The following THAP6 variants were observed in gnomAD, a reference collection of about 807,000 sequenced individuals.
THAP6 encodes THAP domain containing 6.
THAP6 carries 13 observed loss-of-function variants against 20.0 expected under a neutral mutation model. That is an observed-to-expected ratio of 0.65 (90% CI 0.42 to 1.03). The LOEUF (loss-of-function observed/expected upper bound fraction) is 1.03, where lower values mean the gene tolerates loss of function less well. THAP6 is among the 50% of genes least tolerant of loss of function. The pLI is 0.00. For missense variants in THAP6, 262 were observed against 261.6 expected, an observed-to-expected ratio of 1.00 and a Z score of -0.01; for synonymous variants, 93 against 92.2, an observed-to-expected ratio of 1.01 and a Z score of -0.05.
Position 75,516,912 on chromosome 4 carries a change from G to A in THAP6, c.221G>A (p.Ser74Asn), listed in dbSNP as rs1239984611. The A allele has an allele frequency of 1.9e-6, 3 of 1,613,388 alleles. No individual in the cohort carries two copies. The highest frequency in any genetic ancestry group is 2.5e-6 in the Non-Finnish European group (3 of 1,179,942). Residue 74 changes from serine to asparagine, a missense_variant, in exon 3 of 5, where the codon AGT (serine) becomes AAT (asparagine). Physicochemically the swap from Ser to Asn is conservative, Grantham distance 46. Coordinates refer to ENST00000311638, the MANE Select transcript of THAP6 (RefSeq NM_144721.6). ...TTTAAGAAGACAGATTTTGACAGAA[G>A]TGCTCCAAATATTAAACTGAAACCT... ...RHFKKTDFDR[S>N]APNIKLKPGV...
At position 75,514,495 on chromosome 4, in the gene THAP6, G is replaced by A; in HGVS notation, c.-46G>A. 1 of 532,176 alleles carries A rather than the reference G, an allele frequency of 1.9e-6. No individual in the cohort carries two copies. The highest frequency in any genetic ancestry group is 2.8e-5 in the South Asian group (1 of 36,354). 33.0% of individuals were successfully genotyped at this position (532,176 alleles called of 1,614,324 possible). On this transcript the variant is annotated 5_prime_UTR_variant, in exon 1 of 5. Coordinates refer to ENST00000311638, the MANE Select transcript of THAP6 (RefSeq NM_144721.6). ...GGCAGACGCAGTCTCCGTCGTTGAC[G>A]TTAGTCGCAGTCTTCGCTGCTAACG... is the stretch of plus-strand genomic sequence containing the variant.
At chr4:75,532,219 A>G (rs1015719381), downstream of THAP6, among the ~76,000 whole-genome samples, 2 of 152,176 alleles carry the variant, frequency 1.3e-5, no homozygotes, top group African/African-American at 4.8e-5. Context: ...CAAATGGGAG[A>G]AATTGGCCAA....
At chr4:75,519,900 C>T (rs1725917109) in intron 3 of THAP6, among the ~76,000 whole-genome samples, 2 of 151,942 alleles carry the variant, frequency 1.3e-5, no homozygotes, top group Non-Finnish European at 2.9e-5. Flanking sequence ...TGAGGAGTCG[C>T]CACACTGACT....
intron 2 of THAP6, among the ~76,000 whole-genome samples, chr4:75,541,529 G>A (rs911662269): frequency 6.6e-5 from 10 of 151,846 alleles, no homozygotes; most frequent in Non-Finnish European, 1.2e-4. Context: ...TCTAGAGAGG[G>A]GGTTATATAC....
downstream of THAP6, among the ~76,000 whole-genome samples, chr4:75,531,780 C>CT (rs35001883): frequency 0.24 from 33,963 of 144,180 alleles, 4,095 homozygotes; most frequent in Middle Eastern, 0.32. Flanking sequence ...AGAAACTCCC[C>CT]TTTTTTTTTT....
Position 75,516,857 on chromosome 4 carries a change from A to G in THAP6, c.166A>G (p.Lys56Glu). The G allele has an allele frequency of 1.2e-6, 2 of 1,614,114 alleles. No homozygotes were observed. Among genetic ancestry groups the G allele is most frequent in the South Asian group, 1.1e-5 (1 of 91,084 alleles). Reference sequence around the variant, plus strand: ...GAATGCAGCCGGCATTTGGGAGCCTAAAAAAGGAGATGTGTTGTGTTCGAG... The same window carrying G: ...GAATGCAGCCGGCATTTGGGAGCCTGAAAAAGGAGATGTGTTGTGTTCGAG... ...DVNAAGIWEP[K>E]KGDVLCSRHF... Residue 56 changes from lysine (K) to glutamate (E), a missense_variant, in exon 3 of 5, where the codon AAA (lysine) becomes GAA (glutamate). Transcript: ENST00000311638.
chr4:75,517,112 G>A (rs1725713203), intron 3 of THAP6, 133 bp downstream of exon 3: 2 of 649,694 alleles, frequency 3.1e-6, no homozygotes, highest in Non-Finnish European at 5.0e-6. Flanking sequence ...TCTGCCTCCA[G>A]GGTTTAAGCA....
Position 75,527,024 on chromosome 4 carries a change from G to A in THAP6, c.479G>A (p.Gly160Asp). 1 of 1,614,030 alleles carries A rather than the reference G, an allele frequency of 6.2e-7. No homozygotes were observed. The highest frequency in any genetic ancestry group is 8.5e-7 in the Non-Finnish European group (1 of 1,179,980). ...KLKHKLDHVI[G>D]ELEDTKESLR... The stretch of plus-strand genomic sequence containing the variant: ...AAGCATAAATTAGATCATGTGATCG[G>A]CGAGCTAGAGGATACAAAGGAAAGT... Residue 160 changes from glycine to aspartate, a missense_variant, in exon 5 of 5, where the codon GGC (glycine) becomes GAC (aspartate). Coordinates refer to ENST00000311638, the MANE Select transcript of THAP6 (RefSeq NM_144721.6).
At chr4:75,538,305 T>G (rs1002355828) in intron 2 of THAP6, among the ~76,000 whole-genome samples, 1 of 151,956 alleles carries the variant, frequency 6.6e-6, no homozygotes, top group Non-Finnish European at 1.5e-5. Flanking sequence ...ATGACCCAGA[T>G]TGTAGGATTT....
Position 75,514,534 on chromosome 4 carries a change from GGTTGCCT to G in THAP6, c.-21+18_-21+24del. ...TCGCTGCTAACGGTAATAACTCTTA[GGTTGCCT>G]GTTTTCCCCCAATCGCTACCCGCCC... On this transcript the variant is annotated intron_variant, in intron 1 of 4. Coordinates refer to ENST00000311638, the MANE Select transcript of THAP6 (RefSeq NM_144721.6). 1 of 417,548 alleles carries G rather than the reference GGTTGCCT, an allele frequency of 2.4e-6. No individual in the cohort carries two copies. The highest frequency in any genetic ancestry group is 5.8e-5 in the South Asian group (1 of 17,202). The allele number at this position is 417,548 out of a possible 1,614,324, so 25.9% of individuals were successfully genotyped here.
At chr4:75,514,414 C>T (rs1308452855), upstream of THAP6, 20 of 1,085,662 alleles carry the variant, frequency 1.8e-5, no homozygotes, top group Non-Finnish European at 1.3e-5. Context: ...GGCTCCTAAG[C>T]ACGTGACCCG....
rs1240791873 is a variant in THAP6, at chr4:75,515,489, C to A, written c.37C>A (p.Arg13Ser). 1 of 1,613,824 alleles carries A rather than the reference C, an allele frequency of 6.2e-7. No individual in the cohort carries two copies. Among genetic ancestry groups the A allele is most frequent in the South Asian group, 1.1e-5 (1 of 91,080 alleles). ...KCCSAIGCAS[R>S]CLPNSKLKGL... ...CTGCTCCGCCATTGGATGTGCTTCTCGCTGCTTGCCAAATTCGAAGTTAAA... is the reference window on the plus strand; with the variant it reads ...CTGCTCCGCCATTGGATGTGCTTCTAGCTGCTTGCCAAATTCGAAGTTAAA... The change falls in exon 2 of 5, where the codon CGC becomes AGC. Residue 13 changes from arginine (R) to serine (S), a missense_variant. Coordinates refer to ENST00000311638, the MANE Select transcript of THAP6 (RefSeq NM_144721.6).
intron 3 of THAP6, chr4:75,517,797 A>G (rs529736877): frequency 6.6e-6 from 1 of 152,216 alleles, no homozygotes; most frequent in African/African-American, 2.4e-5. Context: ...ATTGAATTCC[A>G]TGTTTTTTCT....
At chr4:75,521,625 C>T (rs2148813169) in intron 3 of THAP6, 111 bp from the exon 4 acceptor site, 4 of 1,166,318 alleles carry the variant, frequency 3.4e-6, no homozygotes, top group Non-Finnish European at 4.7e-6. Flanking sequence ...AAGCAATTTC[C>T]ATGAAAAGAA....
chr4:75,535,199 A>C (rs1726817228), intron 2 of THAP6, among the ~76,000 whole-genome samples: 1 of 152,216 alleles, frequency 6.6e-6, no homozygotes, highest in African/African-American at 2.4e-5. Flanking sequence ...CCCATGGTTC[A>C]TTCATCTCCA....
At chr4:75,542,360 G>T in intron 2 of THAP6, 1 of 695,852 alleles carries the variant, frequency 1.4e-6, no homozygotes, top group South Asian at 1.5e-5. Context: ...TAATAGAGCT[G>T]ATCGCAATTT....
chr4:75,545,388 A>G (rs1361771593), intron 3 of THAP6, among the ~76,000 whole-genome samples: 1 of 152,174 alleles, frequency 6.6e-6, no homozygotes, highest in Non-Finnish European at 1.5e-5. Context: ...TCCAGGCCTC[A>G]GGCTCCTGCT....
At chr4:75,547,322 A>G (rs1465432796) in intron 3 of THAP6, among the ~76,000 whole-genome samples, 1 of 152,226 alleles carries the variant, frequency 6.6e-6, no homozygotes, top group Non-Finnish European at 1.5e-5. Context: ...ATAAATTTGA[A>G]AAAAAATTAA....
chr4:75,530,135 A>G, downstream of THAP6: 1 of 937,252 alleles, frequency 1.1e-6, no homozygotes, highest in South Asian at 4.9e-5. Flanking sequence ...AATAACTCTA[A>G]TATGGGGTCT....
Sources: gnomAD v4.1 joint callset for allele counts (sites outside exome capture counted in the v4.1 genomes callset) on GRCh38, gnomAD v4.1.1 for gene constraint, MANE v1.5 for transcripts, NCBI Gene and HGNC (gene_info 2026-07-23, HGNC 2026-07-21) for gene names.